The following CHRDL1 variants were observed in gnomAD, a reference collection of about 807,000 sequenced individuals.
CHRDL1 encodes chordin-like protein 1.
CHRDL1 carries 19 observed loss-of-function variants against 40.9 expected under a neutral mutation model. That is an observed-to-expected ratio of 0.46 (90% CI 0.32 to 0.68). The LOEUF (loss-of-function observed/expected upper bound fraction) is 0.68. Among genes scored for constraint, CHRDL1 ranks in the 30% least tolerant of loss-of-function variants. The pLI is 0.03. For synonymous variants in CHRDL1, 136 were observed against 123.4 expected, an observed-to-expected ratio of 1.10 and a Z score of -0.68; for missense variants, 329 against 352.1, an observed-to-expected ratio of 0.93 and a Z score of 0.53.
rs188168560 is a variant in CHRDL1 at position 110,783,301 on chromosome X, T to C, written c.94+8787A>G. Among the ~76,000 whole-genome samples the C allele has an allele frequency of 4.2e-4, 47 of 111,286 alleles. No homozygotes were observed. The East Asian group carries it at 7.7e-3, about 18-fold the overall frequency. On this transcript the variant is annotated intron_variant, in intron 2 of 11. Transcript: ENST00000372042. ...TGCCACTGTGCCCAACCTCAGGTGA[T>C]CCACCCACCTCACCTCCAAAAGTGC...
rs2070949652 is a variant in CHRDL1, at chrX:110,721,415, T to C, written c.417A>G (p.Gln139=). The C allele has an allele frequency of 4.1e-6, 5 of 1,210,988 alleles. 1 individual carries two copies. The East Asian group carries it at 1.2e-4, about 29-fold the overall frequency. The change falls in exon 5 of 12, where the codon CAA becomes CAG. Residue 139 remains glutamine, a synonymous_variant. Coordinates refer to ENST00000372042, the MANE Select transcript of CHRDL1 (RefSeq NM_001143981.2). ...FVAEGLFQNR[Q]PNQCTQCSCS... ...AGCTGCACTGGGTGCATTGATTGGG[T>C]TGCCGATTCTGAAAGAGCCCTTCAG...
chrX:110,769,390 G>T (rs1283863000), intron 2 of CHRDL1, among the ~76,000 whole-genome samples: 2 of 112,264 alleles, frequency 1.8e-5, no homozygotes, highest in Non-Finnish European at 3.8e-5. Context: ...GCTAAGAGAA[G>T]ATATTGTGAA....
intron 2 of CHRDL1, among the ~76,000 whole-genome samples, chrX:110,764,381 G>A (rs968562271): frequency 1.8e-5 from 2 of 112,209 alleles, no homozygotes; most frequent in African/African-American, 3.2e-5. Context: ...CCGTGGCAGA[G>A]GAACATAAAT....
At chrX:110,756,013 T>A (rs1336908103) in intron 4 of CHRDL1, among the ~76,000 whole-genome samples, 1 of 112,014 alleles carries the variant, frequency 8.9e-6, no homozygotes, top group African/African-American at 3.2e-5. Flanking sequence ...TCAAAGTTCT[T>A]CCTTTTGTCA....
intron 6 of CHRDL1, among the ~76,000 whole-genome samples, chrX:110,704,767 C>T (rs1197657768): frequency 1.8e-5 from 2 of 110,191 alleles, no homozygotes; most frequent in Non-Finnish European, 3.8e-5. Context: ...ACTAGAGAGA[C>T]GAATAGAAAC....
chrX:110,675,502 G>C lies in CHRDL1; in HGVS notation c.*729C>G, dbSNP rs2069753723. On this transcript the variant is annotated 3_prime_UTR_variant, in exon 12 of 12. Transcript: ENST00000372042. The stretch of plus-strand genomic sequence containing the variant: ...TATTCTTTACCCTGACTCTATTGTT[G>C]GTGACTTAAACAGCCACAAAGACCT... 9.0e-6 allele frequency: 1 copy of C among 111,265 alleles called. No homozygotes were observed. The highest frequency in any genetic ancestry group is 9.6e-5 in the Admixed American group (1 of 10,443). The allele number at this position is 111,265 out of a possible 1,213,427, so 9.2% of individuals were successfully genotyped here. A position where few individuals can be genotyped will look rare whatever the true frequency, so the allele number is the denominator to read the frequency against.
chrX:110,742,284 G>T (rs1319591074), intron 4 of CHRDL1, among the ~76,000 whole-genome samples: 1 of 111,363 alleles, frequency 9.0e-6, no homozygotes. Flanking sequence ...GAAGACAGAG[G>T]GGCCCAGGTC....
At chrX:110,723,229 C>T (rs754418640) in intron 4 of CHRDL1, among the ~76,000 whole-genome samples, 5 of 110,758 alleles carry the variant, frequency 4.5e-5, no homozygotes, top group Non-Finnish European at 7.6e-5. Context: ...CCAGCCTGGG[C>T]GACAGAGCGA....
At chrX:110,689,659 C>A (rs866064059) in intron 8 of CHRDL1, among the ~76,000 whole-genome samples, 1 of 23,684 alleles carries the variant, frequency 4.2e-5, no homozygotes, top group Non-Finnish European at 6.0e-5. Flanking sequence ...TATATATCAT[C>A]TATATATCTA....
At chrX:110,695,682 T>C (rs747649880) in intron 7 of CHRDL1, among the ~76,000 whole-genome samples, 4 of 96,145 alleles carry the variant, frequency 4.2e-5, no homozygotes, top group African/African-American at 1.7e-4. Flanking sequence ...CTTGGGAAGA[T>C]AGTTATGGGG....
intron 4 of CHRDL1, among the ~76,000 whole-genome samples, chrX:110,752,170 C>T (rs962011216): frequency 8.0e-5 from 9 of 111,921 alleles, no homozygotes; most frequent in Admixed American, 6.6e-4. Context: ...TGGGTTCAAG[C>T]GATCCTCCTG....
At position 110,759,719 on chromosome X, in the gene CHRDL1, T is replaced by C; in HGVS notation, c.243A>G (p.Pro81=). The change falls in exon 4 of 12, where the codon CCA becomes CCG. Residue 81 remains proline (P), a synonymous_variant. Coordinates refer to ENST00000372042, the MANE Select transcript of CHRDL1 (RefSeq NM_001143981.2). ...GCACAGGAGAAAGGCAATGAACATT[T>C]GGACATCTGACTCGGCTGCAAAGCA... ...GNVLCSRVRC[P]NVHCLSPVHI... is the part of the protein sequence containing the mutation. The C allele has an allele frequency of 8.3e-7, 1 of 1,204,663 alleles. No homozygotes were observed. Among genetic ancestry groups the C allele is most frequent in the South Asian group, 1.8e-5 (1 of 56,822 alleles).
At chrX:110,688,990 G>C (rs746716526) in intron 8 of CHRDL1, among the ~76,000 whole-genome samples, 187 bp from the exon 9 acceptor site, 1 of 97,823 alleles carries the variant, frequency 1.0e-5, no homozygotes, top group Non-Finnish European at 2.0e-5. Context: ...ACTCTCAGGA[G>C]CTTCTCCAGA....
intron 4 of CHRDL1, among the ~76,000 whole-genome samples, chrX:110,722,104 T>A (rs2070968289): frequency 1.8e-5 from 2 of 110,677 alleles, no homozygotes; most frequent in African/African-American, 6.6e-5. Context: ...TTCAAGCAAT[T>A]CTCGTGCCTC....
At chrX:110,681,756 T>C in intron 9 of CHRDL1, 107 bp from the exon 10 acceptor site, 1 of 577,628 alleles carries the variant, frequency 1.7e-6, no homozygotes, top group Non-Finnish European at 2.8e-6. Flanking sequence ...TTATCAAAAG[T>C]GGACAATTAA....
intron 2 of CHRDL1, among the ~76,000 whole-genome samples, chrX:110,787,267 T>C (rs977866692): frequency 9.0e-6 from 1 of 111,160 alleles, no homozygotes; most frequent in African/African-American, 3.3e-5. Flanking sequence ...TTTCCCCCAC[T>C]GTACTGATAA....
At chrX:110,753,769 C>T (rs2089402244) in intron 4 of CHRDL1, among the ~76,000 whole-genome samples, 1 of 110,682 alleles carries the variant, frequency 9.0e-6, no homozygotes, top group African/African-American at 3.3e-5. Flanking sequence ...GCAGATAGGT[C>T]AGTGATTAAA....
chrX:110,792,319 C>A, intron 1 of CHRDL1, 104 bp from the exon 2 acceptor site: 1 of 411,204 alleles, frequency 2.4e-6, no homozygotes, highest in Non-Finnish European at 4.3e-6. Context: ...AAAAAAATGT[C>A]CTAGAATTTA....
chrX:110,689,721 A>C (rs1345272639), intron 8 of CHRDL1, among the ~76,000 whole-genome samples: 1 of 34,974 alleles, frequency 2.9e-5, no homozygotes, highest in Non-Finnish European at 4.4e-5. Flanking sequence ...ATATATATCT[A>C]TATATATCTA....
Sources: allele counts gnomAD v4.1 joint callset (sites outside exome capture counted in the v4.1 genomes callset), GRCh38; gene constraint gnomAD v4.1.1; transcripts MANE v1.5; gene names NCBI Gene and HGNC (gene_info 2026-07-23, HGNC 2026-07-21).